SIPA1L3: variants seen among roughly 807,000 people sequenced by gnomAD.
SIPA1L3 encodes signal-induced proliferation-associated 1-like protein 3.
Under a neutral mutation model 150.1 loss-of-function variants are expected in SIPA1L3, and 59 were observed. The ratio of observed to expected loss-of-function variants is 0.39; its 90% CI spans 0.32 to 0.49. The LOEUF (loss-of-function observed/expected upper bound fraction) is 0.49. Among genes scored for constraint, SIPA1L3 ranks in the 20% least tolerant of loss-of-function variants. SIPA1L3 has a pLI of 0.86. For synonymous variants in SIPA1L3, 1,070 were observed against 1,077.6 expected (o/e 0.99, Z 0.14); for missense variants, 2,211 against 2,489.5 (o/e 0.89, Z 2.38).
At chr19:38,178,383 C>T (rs1208704008) in intron 15 of SIPA1L3, among the ~76,000 whole-genome samples, 1 of 151,900 alleles carries the variant, frequency 6.6e-6, no homozygotes, top group Non-Finnish European at 1.5e-5. Flanking sequence ...AGTTCTCCCA[C>T]CTAAGCCTCC....
At chr19:38,194,283 G>C (rs9653105) in intron 18 of SIPA1L3, among the ~76,000 whole-genome samples, 1 of 151,830 alleles carries the variant, frequency 6.6e-6, no homozygotes, top group African/African-American at 2.4e-5. Flanking sequence ...CAGGTACTGC[G>C]CACACCACCC....
intron 1 of SIPA1L3, among the ~76,000 whole-genome samples, chr19:37,965,317 G>GTTTTTTTTTT (rs566071263): frequency 4.5e-5 from 6 of 133,698 alleles, no homozygotes; most frequent in Admixed American, 1.6e-4. Context: ...TATATTTCTA[G>GTTTTTTTTTT]TTTTTTTTTT....
intron 8 of SIPA1L3, among the ~76,000 whole-genome samples, chr19:38,118,875 C>T (rs1970951460): frequency 6.8e-6 from 1 of 147,966 alleles, no homozygotes; most frequent in Admixed American, 6.9e-5. Context: ...CAGCAACTTA[C>T]TAATTAGATG....
intron 1 of SIPA1L3, among the ~76,000 whole-genome samples, chr19:38,008,292 A>C (rs1047054451): frequency 4.4e-5 from 6 of 135,132 alleles, no homozygotes; most frequent in African/African-American, 1.7e-4. Context: ...CAGTGGTGCA[A>C]TCTCAGCTTA....
chr19:38,014,891 G>A (rs1237004896), intron 1 of SIPA1L3, among the ~76,000 whole-genome samples: 3 of 152,022 alleles, frequency 2.0e-5, no homozygotes, highest in Non-Finnish European at 2.9e-5. Context: ...GGATGGTCTC[G>A]ATCTCCTGAC....
At chr19:38,133,533 A>T (rs1971363636) in intron 10 of SIPA1L3, among the ~76,000 whole-genome samples, 1 of 152,196 alleles carries the variant, frequency 6.6e-6, no homozygotes, top group Non-Finnish European at 1.5e-5. Context: ...TCAGCTCTGG[A>T]AACAGTGCAC....
chr19:38,134,306 G>A (rs1051585588), intron 10 of SIPA1L3, among the ~76,000 whole-genome samples: 3 of 149,978 alleles, frequency 2.0e-5, no homozygotes, highest in African/African-American at 7.4e-5. Flanking sequence ...AATCAGCTAG[G>A]TGTGATGGCA....
rs58788182 is a variant in SIPA1L3, at chr19:38,077,661, C to CTTTTTTTTTTTTTTTTTTTT, written c.-310-3587_-310-3568dup. Among the ~76,000 whole-genome samples, 51 of 64,352 alleles carry CTTTTTTTTTTTTTTTTTTTT rather than the reference C, an allele frequency of 7.9e-4. 3 individuals are homozygous for CTTTTTTTTTTTTTTTTTTTT. The highest frequency in any genetic ancestry group is 9.9e-4 in the Non-Finnish European group (35 of 35,224). The allele number at this position is 64,352 out of a possible 152,430, so 42.2% of individuals were successfully genotyped here. On this transcript the variant is annotated intron_variant, in intron 2 of 21. Coordinates refer to ENST00000222345, the MANE Select transcript of SIPA1L3 (RefSeq NM_015073.3). ...TTTTTTCTTTTTTCTTTTTCTTTTTCTTTTTTTTTTTTTTTTTTTTTTTTT... is the reference window on the plus strand; with the variant it reads ...TTTTTTCTTTTTTCTTTTTCTTTTTCTTTTTTTTTTTTTTTTTTTTTTTTTTTTTTTTTTTTTTTTTTTTT...
chr19:38,153,429 A>G (rs1400482145), intron 13 of SIPA1L3, among the ~76,000 whole-genome samples: 1 of 152,024 alleles, frequency 6.6e-6, no homozygotes, highest in African/African-American at 2.4e-5. Context: ...CAGCACTTTG[A>G]GAGGCCGAGG....
At position 38,203,015 on chromosome 19, in the gene SIPA1L3, C is replaced by T. The variant is rs1973123099; in HGVS notation, c.5120+1018C>T. Among the ~76,000 whole-genome samples the T allele has an allele frequency of 7.9e-5, 12 of 152,222 alleles. No individual in the cohort carries two copies. In the South Asian group the frequency reaches 2.5e-3, roughly 32 times the overall value. ...ACATGGATTTAAATAGTGCATTTCA[C>T]ACTCGTCTGCACACCTCACGGTTCA... On this transcript the variant is annotated intron_variant, in intron 20 of 21. Coordinates refer to ENST00000222345, the MANE Select transcript of SIPA1L3 (RefSeq NM_015073.3).
intron 2 of SIPA1L3, among the ~76,000 whole-genome samples, chr19:38,033,397 A>G (rs1029286285): frequency 6.6e-6 from 1 of 152,196 alleles, no homozygotes; most frequent in Non-Finnish European, 1.5e-5. Context: ...AAGCTTGAAC[A>G]TCACTTGAGG....
intron 2 of SIPA1L3, among the ~76,000 whole-genome samples, chr19:38,050,917 G>A (rs749211417): frequency 6.6e-6 from 1 of 152,078 alleles, no homozygotes; most frequent in Admixed American, 6.6e-5. Context: ...AAGTTAGCCC[G>A]GTGTGGTGGC....
At chr19:38,183,791 G>A (rs1418591390) in intron 16 of SIPA1L3, among the ~76,000 whole-genome samples, 1 of 152,154 alleles carries the variant, frequency 6.6e-6, no homozygotes, top group African/African-American at 2.4e-5. Flanking sequence ...GGAAGGCGGG[G>A]AGGTGCGGAG....
chr19:37,994,098 C>T (rs1377759374), intron 1 of SIPA1L3, among the ~76,000 whole-genome samples: 3 of 152,002 alleles, frequency 2.0e-5, no homozygotes, highest in Non-Finnish European at 2.9e-5. Flanking sequence ...ATGTGGGTCT[C>T]GCTTTGTTGT....
At chr19:38,095,125 A>G (rs183405557) in intron 4 of SIPA1L3, among the ~76,000 whole-genome samples, 33 of 152,330 alleles carry the variant, frequency 2.2e-4, no homozygotes, top group Admixed American at 1.0e-3. Context: ...ACTATTAACT[A>G]TGCATGTGGC....
At chr19:38,156,333 G>A (rs1426977827) in intron 13 of SIPA1L3, among the ~76,000 whole-genome samples, 1 of 151,266 alleles carries the variant, frequency 6.6e-6, no homozygotes, top group Non-Finnish European at 1.5e-5. Context: ...ACACACCAAA[G>A]TACAAAATGG....
At chr19:38,100,850 C>T (rs949706972) in intron 5 of SIPA1L3, among the ~76,000 whole-genome samples, 3 of 152,240 alleles carry the variant, frequency 2.0e-5, no homozygotes, top group African/African-American at 7.2e-5. Context: ...CGTTGTGCTT[C>T]TCTGGAGTGG....
At chr19:37,976,116 AAAG>A (rs1292708169) in intron 1 of SIPA1L3, among the ~76,000 whole-genome samples, 26 of 87,248 alleles carry the variant, frequency 3.0e-4, no homozygotes, top group Admixed American at 7.3e-4. Flanking sequence ...AAAAAAAAAA[AAAG>A]AAAGAAAAGA....
At chr19:38,010,052 T>C (rs933511933) in intron 1 of SIPA1L3, among the ~76,000 whole-genome samples, 1 of 152,128 alleles carries the variant, frequency 6.6e-6, no homozygotes, top group Non-Finnish European at 1.5e-5. Flanking sequence ...TTATGTCTTA[T>C]ACTGACGTCT....
Sources: gnomAD v4.1 joint callset for allele counts (sites outside exome capture counted in the v4.1 genomes callset) on GRCh38, gnomAD v4.1.1 for gene constraint, MANE v1.5 for transcripts, NCBI Gene and HGNC (gene_info 2026-07-23, HGNC 2026-07-21) for gene names.